ECSIT: variants seen among roughly 807,000 people sequenced by gnomAD.
ECSIT encodes the protein evolutionarily conserved signaling intermediate in Toll pathway, mitochondrial.
Under a neutral mutation model 36.8 loss-of-function variants are expected in ECSIT, and 29 were observed. The observed-to-expected ratio is 0.79, with a 90% CI of 0.59 to 1.08. The LOEUF (loss-of-function observed/expected upper bound fraction) is 1.08. ECSIT is among the 50% of genes least tolerant of loss of function. ECSIT has a pLI of 0.00. For missense variants in ECSIT, 542 were observed against 581.0 expected (o/e 0.93, Z 0.69); for synonymous variants, 231 against 234.8 (o/e 0.98, Z 0.15).
At chr19:11,522,222 C>A (rs372736139) in intron 1 of ECSIT, 2 of 576,488 alleles carry the variant, frequency 3.5e-6, no homozygotes, top group African/African-American at 1.9e-5. Context: ...GCGCTACAAA[C>A]TCCCAGAGCA....
At chr19:11,506,492 A>G (rs1971742359) in intron 7 of ECSIT, 64 bp from the exon 8 acceptor site, 2 of 1,513,016 alleles carry the variant, frequency 1.3e-6, no homozygotes, top group Non-Finnish European at 8.8e-7. Context: ...ACCCATGCCT[A>G]CACCTTTTTG....
intron 2 of ECSIT, among the ~76,000 whole-genome samples, chr19:11,518,173 T>C (rs1287729721): frequency 2.0e-5 from 3 of 151,784 alleles, no homozygotes; most frequent in African/African-American, 7.3e-5. Context: ...ATGCCTGTAA[T>C]CCCAGCACTC....
chr19:11,513,724 G>C (rs1406346332), intron 3 of ECSIT, 80 bp downstream of exon 3: 1 of 1,511,430 alleles, frequency 6.6e-7, no homozygotes, highest in Non-Finnish European at 9.1e-7. Context: ...ATGGAGGAAG[G>C]AGGGGCTGAG....
intron 4 of ECSIT, among the ~76,000 whole-genome samples, chr19:11,511,421 G>A (rs1971868100): frequency 6.6e-6 from 1 of 152,160 alleles, no homozygotes; most frequent in Non-Finnish European, 1.5e-5. Context: ...GGGAGGTCAG[G>A]AAGGGCATCC....
intron 1 of ECSIT, among the ~76,000 whole-genome samples, chr19:11,524,470 C>T (rs777555180): frequency 2.0e-5 from 3 of 151,450 alleles, no homozygotes; most frequent in South Asian, 2.1e-4. Context: ...TACAGTCAGC[C>T]GAGATTGCGC....
At chr19:11,521,452 T>G (rs1270018591) in intron 1 of ECSIT, among the ~76,000 whole-genome samples, 1 of 141,986 alleles carries the variant, frequency 7.0e-6, no homozygotes, top group Non-Finnish European at 1.5e-5. Context: ...CATTTATACG[T>G]GGATTTTTTT....
chr19:11,513,324 G>A, intron 3 of ECSIT, 45 bp from the exon 4 acceptor site: 1 of 1,495,712 alleles, frequency 6.7e-7, no homozygotes, highest in Non-Finnish European at 9.3e-7. Flanking sequence ...TGGAGGGGGA[G>A]GAGGGAAGGG....
At chr19:11,514,867 C>T (rs1971958191) in intron 2 of ECSIT, among the ~76,000 whole-genome samples, 2 of 147,580 alleles carry the variant, frequency 1.4e-5, no homozygotes, top group African/African-American at 5.0e-5. Flanking sequence ...TAGACAGAGT[C>T]TCATTCTGTC....
chr19:11,527,546 T>C (rs925051725), intron 1 of ECSIT, among the ~76,000 whole-genome samples: 7 of 150,952 alleles, frequency 4.6e-5, no homozygotes, highest in African/African-American at 1.7e-4. Flanking sequence ...CCAGGCATGG[T>C]GGTGAATGCC....
chr19:11,518,967 C>T, intron 2 of ECSIT, 108 bp downstream of exon 2: 1 of 913,520 alleles, frequency 1.1e-6, no homozygotes. Context: ...ACTGATAGGC[C>T]AGCCCAGACT....
At chr19:11,518,285 G>A (rs113880710) in intron 2 of ECSIT, among the ~76,000 whole-genome samples, 5,440 of 152,206 alleles carry the variant, frequency 0.036, 132 homozygotes, top group Admixed American at 0.07. Context: ...AAATTAGCTG[G>A]GCGTGGTGAT....
chr19:11,519,212 C>T lies in ECSIT; in HGVS notation c.-23-19G>A. The stretch of plus-strand genomic sequence containing the variant: ...CAATCACCTGGCCCAAAAGAAGATT[C>T]AGCATTAGCCTGGCACCTTACAGAT... On this transcript the variant is annotated intron_variant, in intron 1 of 7. Coordinates refer to ENST00000270517, the MANE Select transcript of ECSIT (RefSeq NM_016581.5). This position sits in a 1 kb window ranked among gnomAD's most constrained non-coding sequence, Gnocchi z 4.4. 1 of 1,500,772 alleles carries T rather than the reference C, an allele frequency of 6.7e-7. No individual in the cohort carries two copies. Among genetic ancestry groups the T allele is most frequent in the East Asian group, 2.5e-5 (1 of 40,692 alleles). The allele number at this position is 1,500,772 out of a possible 1,614,324, so 93.0% of individuals were successfully genotyped here.
chr19:11,522,129 G>T, intron 1 of ECSIT: 1 of 397,608 alleles, frequency 2.5e-6, no homozygotes, highest in Non-Finnish European at 4.8e-6. Context: ...TAAAGAAGAT[G>T]AAGAAGTCTT....
In ECSIT at chr19:11,513,042, A is replaced by C; in HGVS notation, c.738+14T>G. On this transcript the variant is annotated intron_variant, in intron 4 of 7. Coordinates refer to ENST00000270517, the MANE Select transcript of ECSIT (RefSeq NM_016581.5). The stretch of plus-strand genomic sequence containing the variant: ...CCTGGGGTGGCAGCTGACGCTGTAG[A>C]CAAGGGCGGATACCTGGTAGATGGT... 6.8e-6 allele frequency: 11 copies of C among 1,612,934 alleles called. No homozygotes were observed. The highest frequency in any genetic ancestry group is 9.3e-6 in the Non-Finnish European group (11 of 1,179,718).
At position 11,517,112 on chromosome 19, in the gene ECSIT, C is replaced by T. The variant is rs575821022; in HGVS notation, c.96+1963G>A. On this transcript the variant is annotated intron_variant, in intron 2 of 7. Transcript: ENST00000270517. ...AGGCCCTAGGTGGGGGGTACTCTTA[C>T]TGCACTCATTTTACAGATGAGAAAA... Among the ~76,000 whole-genome samples, 4 of 152,186 alleles carry T rather than the reference C, an allele frequency of 2.6e-5. No homozygotes were observed. The South Asian group carries it at 8.3e-4, about 32-fold the overall frequency.
chr19:11,518,685 C>T (rs1005556041), intron 2 of ECSIT, among the ~76,000 whole-genome samples: 2 of 151,980 alleles, frequency 1.3e-5, no homozygotes, highest in African/African-American at 4.8e-5. Context: ...ATCACTTGAG[C>T]CCAGAGTTCA....
intron 1 of ECSIT, among the ~76,000 whole-genome samples, chr19:11,527,748 G>A (rs1972245084): frequency 6.6e-6 from 1 of 151,996 alleles, no homozygotes; most frequent in Non-Finnish European, 1.5e-5. Context: ...CTAGTGCTTT[G>A]GAAGTCCAAG....
At chr19:11,510,038 T>C (rs1971839142) in intron 4 of ECSIT, among the ~76,000 whole-genome samples, 2 of 151,684 alleles carry the variant, frequency 1.3e-5, no homozygotes, top group Non-Finnish European at 2.9e-5. Context: ...CCTGGATAAT[T>C]CTTTTTGTAT....
At position 11,506,235 on chromosome 19, in the gene ECSIT, G is replaced by A; in HGVS notation, c.1245C>T (p.Asp415=). 6.2e-7 allele frequency: 1 copy of A among 1,609,314 alleles called. No individual in the cohort carries two copies. Among genetic ancestry groups the A allele is most frequent in the Non-Finnish European group, 8.5e-7 (1 of 1,179,902 alleles). Residue 415 remains aspartate, a synonymous_variant, in exon 8 of 8, where the codon GAC becomes GAT. Transcript: ENST00000270517. ...GCAGGTTGTCGTCTTCTTCCTGGTG[G>A]TCCTCGGGCAGGGGCGGCTCCTCCA... ...AGLEEPPLPE[D]HQEEDDNLQR...
Sources: gnomAD v4.1 joint callset for allele counts (sites outside exome capture counted in the v4.1 genomes callset) on GRCh38, gnomAD v4.1.1 for gene constraint, Gnocchi (gnomAD v3.1) non-coding constraint, MANE v1.5 for transcripts, NCBI Gene and HGNC (gene_info 2026-07-23, HGNC 2026-07-21) for gene names.